The following TMEM165 variants were observed in gnomAD, a reference collection of about 807,000 sequenced individuals.
TMEM165 encodes putative divalent cation/proton antiporter TMEM165.
TMEM165 carries 19 observed loss-of-function variants against 30.0 expected under a neutral mutation model. The observed-to-expected ratio is 0.63, with a 90% confidence interval of 0.44 to 0.93. The LOEUF is 0.93. TMEM165 is among the 40% of genes least tolerant of loss of function. The pLI is 0.00. For synonymous variants in TMEM165, 168 were observed against 162.9 expected, an observed-to-expected ratio of 1.03 and a Z score of -0.24; for missense variants, 340 against 417.0, an observed-to-expected ratio of 0.82 and a Z score of 1.61.
intron 1 of TMEM165, among the ~76,000 whole-genome samples, chr4:55,406,083 G>A (rs555060311): frequency 6.6e-6 from 1 of 152,168 alleles, no homozygotes; most frequent in Non-Finnish European, 1.5e-5. Context: ...TTCCCAGGAG[G>A]CTTATGAAAT....
At chr4:55,435,848 A>T (rs769211169) in intron 3 of TMEM165, among the ~76,000 whole-genome samples, 2 of 152,252 alleles carry the variant, frequency 1.3e-5, no homozygotes, top group Non-Finnish European at 2.9e-5. Flanking sequence ...AAAGCAATCT[A>T]TATCTTGAGC....
intron 3 of TMEM165, chr4:55,449,284 TA>T: frequency 1.0e-6 from 1 of 961,744 alleles, no homozygotes; most frequent in South Asian, 1.4e-5. Context: ...TATCAGTAAC[TA>T]TTTTGATCTT....
intron 3 of TMEM165, chr4:55,449,370 A>ATG: frequency 6.4e-7 from 1 of 1,564,324 alleles, no homozygotes; most frequent in Non-Finnish European, 8.8e-7. Flanking sequence ...ATCTTTATTC[A>ATG]GAAGAATATC....
At chr4:55,403,377 A>G (rs750237907) in intron 1 of TMEM165, 5 of 1,046,878 alleles carry the variant, frequency 4.8e-6, no homozygotes, top group Non-Finnish European at 3.6e-6. Flanking sequence ...ATTTGTGTTT[A>G]TTTGAACTCT....
At chr4:55,412,071 A>G (rs1721525859) in intron 2 of TMEM165, 7 of 581,560 alleles carry the variant, frequency 1.2e-5, no homozygotes, top group South Asian at 1.0e-4. Context: ...AGGAATTGCA[A>G]AGATCTAATT....
intron 2 of TMEM165, chr4:55,415,473 G>A (rs1163957492): frequency 6.6e-6 from 1 of 152,080 alleles, no homozygotes; most frequent in African/African-American, 2.4e-5. Context: ...TCTCGGCGGA[G>A]CTTTGAGGAG....
At chr4:55,449,368 T>G (rs753253064) in intron 3 of TMEM165, 7 of 1,559,334 alleles carry the variant, frequency 4.5e-6, no homozygotes, top group Middle Eastern at 1.7e-4. Flanking sequence ...AAATCTTTAT[T>G]CAGAAGAATA....
chr4:55,426,538 T>TAAC (rs974934712), downstream of TMEM165, among the ~76,000 whole-genome samples: 17 of 152,234 alleles, frequency 1.1e-4, no homozygotes, highest in African/African-American at 2.7e-4. Flanking sequence ...CCAAGTAGCA[T>TAAC]AACAGCTGCT....
intron 1 of TMEM165, among the ~76,000 whole-genome samples, chr4:55,400,247 T>TATAATAATG (rs1720904098): frequency 1.9e-5 from 1 of 51,692 alleles, no homozygotes; most frequent in African/African-American, 6.8e-5. Context: ...TAATTAATAT[T>TATAATAATG]ATATTATATT....
chr4:55,413,234 C>T (rs895712331), intron 2 of TMEM165, among the ~76,000 whole-genome samples: 6 of 152,132 alleles, frequency 3.9e-5, no homozygotes, highest in African/African-American at 1.4e-4. Context: ...TCCACCTTAG[C>T]CTCCCAGTGT....
In TMEM165 at chr4:55,402,795, C is replaced by CTTTTTTTTTTTTTTTTTTT. The variant is rs71194554; in HGVS notation, c.207+6413_207+6414insTTTTTTTTTTTTTTTTTTT. On this transcript the variant is annotated intron_variant, in intron 1 of 5. Coordinates refer to ENST00000381334, the MANE Select transcript of TMEM165 (RefSeq NM_018475.5). ...ACATTTTTACAACTTTTAAAAAAAG[C>CTTTTTTTTTTTTTTTTTTT]TTTTTTTTTTTTTTGAGACGGAGTC... Among the ~76,000 whole-genome samples, 125 of 71,396 alleles carry CTTTTTTTTTTTTTTTTTTT rather than the reference C, an allele frequency of 1.8e-3. 28 individuals are homozygous for CTTTTTTTTTTTTTTTTTTT. The highest frequency in any genetic ancestry group is 9.3e-3 in the Middle Eastern group (1 of 108). 46.8% of individuals were successfully genotyped at this position (71,396 alleles called of 152,430 possible).
chr4:55,403,492 C>CTTTTTTTTTTTTTTTTTTTTTTT lies in TMEM165; in HGVS notation c.207+7101_207+7102insTTTTTTTTTTTTTTTTTTTTTTT, dbSNP rs71664292. On this transcript the variant is annotated intron_variant, in intron 1 of 5. Coordinates refer to ENST00000381334, the MANE Select transcript of TMEM165 (RefSeq NM_018475.5). The stretch of plus-strand genomic sequence containing the variant: ...ACTTTCTAAATGAGGGTGCCTTTTT[C>CTTTTTTTTTTTTTTTTTTTTTTT]TTTTTCTTTTTTTTTTTTTTACAAT... Among the ~76,000 whole-genome samples the CTTTTTTTTTTTTTTTTTTTTTTT allele has an allele frequency of 5.6e-5, 7 of 124,508 alleles. 1 individual carries two copies. The highest frequency in any genetic ancestry group is 1.6e-4 in the Admixed American group (2 of 12,220). The allele number at this position is 124,508 out of a possible 152,430, so 81.7% of individuals were successfully genotyped here.
intron 3 of TMEM165, among the ~76,000 whole-genome samples, chr4:55,441,965 C>T (rs1202446774): frequency 6.6e-6 from 1 of 152,178 alleles, no homozygotes; most frequent in East Asian, 1.9e-4. Context: ...TGAAAACTCA[C>T]TTTTTTCTTA....
chr4:55,425,292 C>T (rs1048784212), intron 5 of TMEM165, 84 bp from the exon 6 acceptor site: 18 of 1,081,690 alleles, frequency 1.7e-5, no homozygotes, highest in East Asian at 7.2e-5. Flanking sequence ...AATAATTGGC[C>T]GCCTCATCGG....
intron 3 of TMEM165, chr4:55,448,645 C>T (rs972037678): frequency 1.6e-5 from 8 of 512,940 alleles, no homozygotes; most frequent in Non-Finnish European, 3.0e-5. Flanking sequence ...TGTGTGTGTG[C>T]TCCTACCTCA....
chr4:55,409,597 G>T (rs1469585812), intron 1 of TMEM165, among the ~76,000 whole-genome samples: 2 of 152,112 alleles, frequency 1.3e-5, no homozygotes, highest in Non-Finnish European at 2.9e-5. Flanking sequence ...GTTTAGCAGC[G>T]TTTCTGGCCT....
chr4:55,402,647 C>T (rs1046534003), intron 1 of TMEM165, among the ~76,000 whole-genome samples: 1 of 144,836 alleles, frequency 6.9e-6, no homozygotes, highest in African/African-American at 2.7e-5. Context: ...GGGGTTTTGC[C>T]ACGTTGGCCA....
intron 1 of TMEM165, among the ~76,000 whole-genome samples, chr4:55,405,810 T>C (rs1721245475): frequency 6.6e-6 from 1 of 152,212 alleles, no homozygotes; most frequent in African/African-American, 2.4e-5. Flanking sequence ...TGATGGTGTT[T>C]ATGTGTTACA....
chr4:55,402,388 C>CAT (rs1721035103), intron 1 of TMEM165, among the ~76,000 whole-genome samples: 3 of 27,900 alleles, frequency 1.1e-4, no homozygotes, highest in African/African-American at 3.6e-4. Flanking sequence ...TAAGTGCGTG[C>CAT]GTGTGTGTGT....
Sources: allele counts gnomAD v4.1 joint callset (sites outside exome capture counted in the v4.1 genomes callset), GRCh38; gene constraint gnomAD v4.1.1; transcripts MANE v1.5; gene names NCBI Gene and HGNC (gene_info 2026-07-23, HGNC 2026-07-21).